Variants in STAC observed in about 807,000 individuals in gnomAD.
STAC encodes the protein SH3 and cysteine rich domain.
STAC carries 43 observed loss-of-function variants against 48.8 expected under a neutral mutation model. The ratio of observed to expected loss-of-function variants is 0.88; its 90% CI spans 0.69 to 1.14. The LOEUF (loss-of-function observed/expected upper bound fraction) is 1.14, where lower values mean the gene tolerates loss of function less well. STAC is among the 50% of genes most tolerant of loss of function. STAC has a pLI of 0.00. For missense variants in STAC, 497 were observed against 504.0 expected, an observed-to-expected ratio of 0.99 and a Z score of 0.13; for synonymous variants, 193 against 179.5, an observed-to-expected ratio of 1.07 and a Z score of -0.60.
At chr3:36,449,311 G>C (rs1215590192) in intron 2 of STAC, among the ~76,000 whole-genome samples, 1 of 152,164 alleles carries the variant, frequency 6.6e-6, no homozygotes, top group Admixed American at 6.5e-5. Context: ...CGAATGGATT[G>C]TAACTAAGGA....
chr3:36,479,186 G>A (rs564275414), intron 2 of STAC, among the ~76,000 whole-genome samples: 1 of 152,248 alleles, frequency 6.6e-6, no homozygotes, highest in South Asian at 2.1e-4. Flanking sequence ...AACCCCTCAA[G>A]ATTGGAAAAT....
Position 36,482,985 on chromosome 3 carries a change from C to G in STAC, c.389-7C>G. ...ATCCTAACCAAAGTTTGCCATGTAC[C>G]TGACAGGAACAAATGCTAAGCATGG... On this transcript the variant is annotated splice_polypyrimidine_tract_variant and splice_region_variant and intron_variant, in intron 2 of 10. Coordinates refer to ENST00000273183, the MANE Select transcript of STAC (RefSeq NM_003149.3). The G allele has an allele frequency of 6.2e-7, 1 of 1,612,094 alleles. No homozygotes were observed.
chr3:36,491,165 T>A (rs1233876873), intron 5 of STAC, among the ~76,000 whole-genome samples: 1 of 152,254 alleles, frequency 6.6e-6, no homozygotes, highest in Non-Finnish European at 1.5e-5. Flanking sequence ...TTTTATTTTA[T>A]TTTTAGTATT....
At chr3:36,468,117 A>G (rs957630455) in intron 2 of STAC, among the ~76,000 whole-genome samples, 2 of 152,140 alleles carry the variant, frequency 1.3e-5, no homozygotes, top group African/African-American at 4.8e-5. Context: ...ACAATCATTC[A>G]GGAGCAGGTT....
intron 8 of STAC, among the ~76,000 whole-genome samples, chr3:36,508,496 ATCTG>A (rs1214286786): frequency 2.0e-5 from 3 of 152,104 alleles, no homozygotes; most frequent in African/African-American, 7.2e-5. Flanking sequence ...TGTCTCATTG[ATCTG>A]TCTAATATTT....
chr3:36,447,649 CCACACACA>C (rs3061960), intron 2 of STAC, among the ~76,000 whole-genome samples: 112 of 146,416 alleles, frequency 7.6e-4, no homozygotes, highest in African/African-American at 1.4e-3. Flanking sequence ...TGTATACACA[CCACACACA>C]CACACACACA....
At chr3:36,445,741 T>C (rs1696491829) in intron 2 of STAC, among the ~76,000 whole-genome samples, 1 of 152,208 alleles carries the variant, frequency 6.6e-6, no homozygotes, top group Non-Finnish European at 1.5e-5. Flanking sequence ...TACCTGCTAT[T>C]ATCCCCTTAG....
At chr3:36,439,539 C>T (rs955117951) in intron 1 of STAC, among the ~76,000 whole-genome samples, 4 of 152,116 alleles carry the variant, frequency 2.6e-5, no homozygotes, top group Non-Finnish European at 5.9e-5. Flanking sequence ...TTTGATAAAC[C>T]TCTCCCTGAG....
intron 2 of STAC, among the ~76,000 whole-genome samples, chr3:36,481,961 G>A (rs1001062842): frequency 1.3e-4 from 20 of 152,208 alleles, no homozygotes; most frequent in Admixed American, 1.3e-3. Flanking sequence ...GGAGGGATAA[G>A]ACTGATAGTG....
chr3:36,386,535 A>C (rs1428164095), intron 1 of STAC, among the ~76,000 whole-genome samples: 3 of 151,938 alleles, frequency 2.0e-5, no homozygotes, highest in Admixed American at 2.0e-4. Flanking sequence ...GCCTATTCCA[A>C]AGTCATTTAG....
At chr3:36,513,246 C>A (rs903890279) in intron 8 of STAC, among the ~76,000 whole-genome samples, 1 of 152,192 alleles carries the variant, frequency 6.6e-6, no homozygotes, top group Non-Finnish European at 1.5e-5. Flanking sequence ...ACTTACCCAC[C>A]TGCCTACCCC....
At chr3:36,527,332 AAAGCCACTTTCAG>A (rs1698959557) in intron 8 of STAC, among the ~76,000 whole-genome samples, 1 of 152,226 alleles carries the variant, frequency 6.6e-6, no homozygotes, top group Non-Finnish European at 1.5e-5. Context: ...TCCATGATGG[AAAGCCACTTTCAG>A]AACTCTTTCA....
intron 8 of STAC, among the ~76,000 whole-genome samples, chr3:36,509,735 G>A (rs1698489981): frequency 6.6e-6 from 1 of 151,804 alleles, no homozygotes; most frequent in Non-Finnish European, 1.5e-5. Flanking sequence ...AATAAACTGT[G>A]TTGGGAAAAC....
intron 10 of STAC, 97 bp downstream of exon 10, chr3:36,529,082 C>T: frequency 8.2e-7 from 1 of 1,215,160 alleles, no homozygotes; most frequent in Non-Finnish European, 1.1e-6. Context: ...AGTGGGGTCA[C>T]ATTCAAAGTA....
chr3:36,482,047 G>C (rs1697662471), intron 2 of STAC, among the ~76,000 whole-genome samples: 1 of 152,116 alleles, frequency 6.6e-6, no homozygotes, highest in African/African-American at 2.4e-5. Flanking sequence ...TGAGATGCTT[G>C]GTCATCTAAG....
At chr3:36,474,846 A>G (rs1697447567) in intron 2 of STAC, among the ~76,000 whole-genome samples, 1 of 152,230 alleles carries the variant, frequency 6.6e-6, no homozygotes, top group South Asian at 2.1e-4. Context: ...GGAAGCATCC[A>G]GGAAATTGCC....
rs1553631494 is a variant in STAC at position 36,398,368 on chromosome 3, A to AAAGAAAGAAAGAAAAG, written c.111+17616_111+17617insGAAAGAAAGAAAAGAA. On this transcript the variant is annotated intron_variant, in intron 1 of 10. Transcript: ENST00000273183. ...GAAAGAAAGAAAGAAAGAAAGAAAG[A>AAAGAAAGAAAGAAAAG]AAAGAAAGAGAGAAAGAAAGAAAGA... Among the ~76,000 whole-genome samples the AAAGAAAGAAAGAAAAG allele has an allele frequency of 2.0e-3, 210 of 102,956 alleles. 5 individuals are homozygous for AAAGAAAGAAAGAAAAG. The highest frequency in any genetic ancestry group is 7.4e-3 in the East Asian group (24 of 3,238). 67.5% of individuals were successfully genotyped at this position (102,956 alleles called of 152,430 possible). A position where few individuals can be genotyped will look rare whatever the true frequency, so the allele number is the denominator to read the frequency against.
chr3:36,382,450 TCCA>T (rs1234883265), intron 1 of STAC, among the ~76,000 whole-genome samples: 2 of 152,218 alleles, frequency 1.3e-5, no homozygotes, highest in Non-Finnish European at 2.9e-5. Flanking sequence ...CCCATAATTA[TCCA>T]CCAATTTATC....
rs755154028 is a variant in STAC, at chr3:36,398,690, A to AAAGAAAGAAAGAAAGAAAG, written c.111+17938_111+17939insGAAAGAAAGAAAGAAAGAA. ...GAAGGAAGGAAAGAAAGAAAGAAAG[A>AAAGAAAGAAAGAAAGAAAG]AAAGAAAGAAAGAAAGAAAGAGAGA... On this transcript the variant is annotated intron_variant, in intron 1 of 10. Transcript: ENST00000273183. Among the ~76,000 whole-genome samples the AAAGAAAGAAAGAAAGAAAG allele has an allele frequency of 2.8e-5, 4 of 140,998 alleles. No homozygotes were observed. The East Asian group carries it at 6.2e-4, about 22-fold the overall frequency. The allele number at this position is 140,998 out of a possible 152,430, so 92.5% of individuals were successfully genotyped here. A position where few individuals can be genotyped will look rare whatever the true frequency, so the allele number is the denominator to read the frequency against.
Sources: gnomAD v4.1 joint callset for allele counts (sites outside exome capture counted in the v4.1 genomes callset) on GRCh38, gnomAD v4.1.1 for gene constraint, MANE v1.5 for transcripts, NCBI Gene and HGNC (gene_info 2026-07-23, HGNC 2026-07-21) for gene names.